Variants in TTC28 observed in about 807,000 individuals in gnomAD.
The protein encoded by TTC28 is tetratricopeptide repeat domain 28.
TTC28 carries 61 observed loss-of-function variants against 198.0 expected under a neutral mutation model. The ratio of observed to expected loss-of-function variants is 0.31; its 90% CI spans 0.25 to 0.38. The LOEUF is 0.38. Ranked by LOEUF, TTC28 falls within the 10% of genes least tolerant of loss-of-function variation. TTC28 has a pLI of 1.00. For synonymous variants in TTC28, 1,171 were observed against 1,297.8 expected (o/e 0.90, Z 2.10); for missense variants, 2,678 against 3,164.0 (o/e 0.85, Z 3.69).
intron 2 of TTC28, among the ~76,000 whole-genome samples, chr22:28,369,755 TC>T (rs2046302768): frequency 6.6e-6 from 1 of 152,096 alleles, no homozygotes; most frequent in East Asian, 1.9e-4. Context: ...TATATAGAAC[TC>T]CCTTTTTTTA....
intron 2 of TTC28, among the ~76,000 whole-genome samples, chr22:28,413,391 T>C (rs950466279): frequency 6.6e-6 from 1 of 152,100 alleles, no homozygotes; most frequent in Non-Finnish European, 1.5e-5. Flanking sequence ...TGAGCCTAGA[T>C]TGCGCGACTG....
intron 13 of TTC28, among the ~76,000 whole-genome samples, chr22:28,020,290 G>C (rs928938185): frequency 1.3e-5 from 2 of 152,224 alleles, no homozygotes; most frequent in Non-Finnish European, 2.9e-5. Flanking sequence ...TCTCAGCAGA[G>C]GATCTTCTCA....
chr22:28,200,422 T>G (rs1039375889), intron 5 of TTC28, among the ~76,000 whole-genome samples: 13 of 152,178 alleles, frequency 8.5e-5, no homozygotes, highest in Non-Finnish European at 1.8e-4. Context: ...ACAGTTTTAT[T>G]TTCTTTGAAA....
chr22:28,409,395 A>T (rs1222354934), intron 2 of TTC28, among the ~76,000 whole-genome samples: 1 of 152,188 alleles, frequency 6.6e-6, no homozygotes, highest in East Asian at 1.9e-4. Context: ...AACTTCCATC[A>T]GCAAAGCATC....
At chr22:28,232,340 C>A (rs1365671126) in intron 5 of TTC28, among the ~76,000 whole-genome samples, 1 of 152,160 alleles carries the variant, frequency 6.6e-6, no homozygotes, top group Non-Finnish European at 1.5e-5. Flanking sequence ...AAGAGTGAAT[C>A]TAAAGCCAAA....
intron 2 of TTC28, among the ~76,000 whole-genome samples, chr22:28,417,324 AAAAG>A (rs1408461422): frequency 6.6e-6 from 1 of 150,918 alleles, no homozygotes; most frequent in African/African-American, 2.4e-5. Flanking sequence ...AAAAAAAAAA[AAAAG>A]GACAGGTGTG....
At chr22:28,510,569 A>G (rs2048674069) in intron 2 of TTC28, among the ~76,000 whole-genome samples, 1 of 152,172 alleles carries the variant, frequency 6.6e-6, no homozygotes, top group African/African-American at 2.4e-5. Context: ...ATCATACTGA[A>G]TGGGCAAAGG....
In TTC28 at chr22:28,679,778, G is replaced by A. The variant is rs1484271983; in HGVS notation, c.-55C>T. On this transcript the variant is annotated 5_prime_UTR_variant, in exon 1 of 23. Transcript: ENST00000397906. ...GAGCTAACGGTCCCGCCAGCTAGGC[G>A]CGCGCGCCGGTTCCGCGCGCCATGT... The A allele has an allele frequency of 1.5e-5, 15 of 998,396 alleles. No individual in the cohort carries two copies. Among genetic ancestry groups the A allele is most frequent in the Admixed American group, 1.4e-4 (3 of 21,204 alleles). The allele number at this position is 998,396 out of a possible 1,614,324, so 61.8% of individuals were successfully genotyped here.
At chr22:28,430,864 T>G (rs985014539) in intron 2 of TTC28, among the ~76,000 whole-genome samples, 2 of 148,606 alleles carry the variant, frequency 1.3e-5, no homozygotes, top group Non-Finnish European at 1.5e-5. Flanking sequence ...CCAGCCAAAC[T>G]GAGATTCCTT....
At chr22:28,039,985 A>G (rs1285467798) in intron 12 of TTC28, among the ~76,000 whole-genome samples, 1 of 152,242 alleles carries the variant, frequency 6.6e-6, no homozygotes, top group African/African-American at 2.4e-5. Context: ...TAGAAAATCT[A>G]GAAGAAATGG....
intron 5 of TTC28, among the ~76,000 whole-genome samples, chr22:28,191,285 G>T (rs1279724156): frequency 1.3e-5 from 2 of 152,210 alleles, no homozygotes; most frequent in African/African-American, 4.8e-5. Context: ...CAACTAAATA[G>T]AGATGAAAAC....
At chr22:28,029,897 G>C (rs1388396466) in intron 13 of TTC28, among the ~76,000 whole-genome samples, 1 of 152,222 alleles carries the variant, frequency 6.6e-6, no homozygotes, top group Non-Finnish European at 1.5e-5. Context: ...AGAAGTATGT[G>C]AAGTTGCTCT....
intron 12 of TTC28, among the ~76,000 whole-genome samples, chr22:28,043,174 C>T (rs1352450802): frequency 7.7e-6 from 1 of 129,166 alleles, no homozygotes; most frequent in Non-Finnish European, 1.6e-5. Flanking sequence ...ACCCGGGAGG[C>T]AGAGGTTGCA....
At chr22:28,291,094 A>G (rs1221718548) in intron 5 of TTC28, among the ~76,000 whole-genome samples, 1 of 152,198 alleles carries the variant, frequency 6.6e-6, no homozygotes, top group Non-Finnish European at 1.5e-5. Context: ...TTCATAAGTA[A>G]TATGTAAATT....
At chr22:27,988,724 C>A (rs1369684892) in intron 21 of TTC28, among the ~76,000 whole-genome samples, 2 of 152,134 alleles carry the variant, frequency 1.3e-5, no homozygotes, top group Non-Finnish European at 2.9e-5. Flanking sequence ...TCCCTGGCAT[C>A]ACAGCCCACA....
intron 2 of TTC28, among the ~76,000 whole-genome samples, chr22:28,337,706 C>T (rs2045754094): frequency 6.6e-6 from 1 of 152,284 alleles, no homozygotes; most frequent in Non-Finnish European, 1.5e-5. Flanking sequence ...GATGTTCCTC[C>T]ATCCCTTTAT....
intron 2 of TTC28, among the ~76,000 whole-genome samples, chr22:28,474,793 C>T (rs925982723): frequency 2.0e-5 from 3 of 152,056 alleles, no homozygotes; most frequent in Non-Finnish European, 2.9e-5. Context: ...TTTTATTGTA[C>T]CTCACTCTTG....
chr22:28,274,999 A>AAAAG (rs1405396634), intron 5 of TTC28, among the ~76,000 whole-genome samples: 23 of 147,626 alleles, frequency 1.6e-4, no homozygotes, highest in Non-Finnish European at 2.8e-4. Flanking sequence ...AAAAAAAAAA[A>AAAAG]AGAGAGAGAG....
At chr22:28,492,228 T>C (rs2048390464) in intron 2 of TTC28, among the ~76,000 whole-genome samples, 1 of 152,112 alleles carries the variant, frequency 6.6e-6, no homozygotes, top group Admixed American at 6.5e-5. Flanking sequence ...AACCTGCACG[T>C]TGTGCACATG....
Sources: gnomAD v4.1 joint callset for allele counts (sites outside exome capture counted in the v4.1 genomes callset) on GRCh38, gnomAD v4.1.1 for gene constraint, MANE v1.5 for transcripts, NCBI Gene and HGNC (gene_info 2026-07-23, HGNC 2026-07-21) for gene names.